HAUS7: variants seen among roughly 807,000 people sequenced by gnomAD.
HAUS7 encodes the protein HAUS augmin like complex subunit 7.
A neutral mutation model predicts 28.4 loss-of-function variants in HAUS7; 3 were observed. The ratio of observed to expected loss-of-function variants is 0.11; its 90% CI spans 0.05 to 0.27. The LOEUF is 0.27. Among genes scored for constraint, HAUS7 ranks in the 10% least tolerant of loss-of-function variants. The pLI is 1.00. For synonymous variants in HAUS7, 165 were observed against 132.1 expected (o/e 1.25, Z -1.71); for missense variants, 284 against 297.3 (o/e 0.96, Z 0.33).
chrX:153,493,367 G>A (rs782482765), intron 1 of HAUS7, among the ~76,000 whole-genome samples: 32 of 112,081 alleles, frequency 2.9e-4, no homozygotes, highest in Non-Finnish European at 4.7e-4. Flanking sequence ...TGCCTGTCCC[G>A]CTCTCTACCG....
intron 1 of HAUS7, chrX:153,487,111 T>C: frequency 4.2e-6 from 1 of 235,310 alleles, no homozygotes; most frequent in Non-Finnish European, 7.9e-6. Flanking sequence ...GTGCGGTTCC[T>C]GGGCTGCACC....
intron 9 of HAUS7, among the ~76,000 whole-genome samples, chrX:153,453,902 T>C (rs781791489): frequency 1.4e-3 from 148 of 108,947 alleles, no homozygotes; most frequent in African/African-American, 4.8e-3. Flanking sequence ...TCACTGCAAC[T>C]TCCCTCTCAT....
At chrX:153,450,574 TGCACTGACA>T (rs1489183055) in intron 9 of HAUS7, among the ~76,000 whole-genome samples, 1 of 112,593 alleles carries the variant, frequency 8.9e-6, no homozygotes, top group African/African-American at 3.2e-5. Context: ...GTCCCATTCT[TGCACTGACA>T]GCATTGCTTC....
chrX:153,463,824 AT>A (rs2089423542), intron 3 of HAUS7, among the ~76,000 whole-genome samples: 1 of 111,555 alleles, frequency 9.0e-6, no homozygotes, highest in African/African-American at 3.3e-5. Context: ...CCCTCCTGCC[AT>A]CTTATGTCAA....
rs182703218 is a variant in HAUS7, at chrX:153,475,615, A to G, written c.-588-4470T>C. Among the ~76,000 whole-genome samples the G allele has an allele frequency of 3.1e-3, 350 of 112,365 alleles. 2 individuals are homozygous for G. Among genetic ancestry groups the G allele is most frequent in the African/African-American group, 0.011 (335 of 30,969 alleles). On this transcript the variant is annotated intron_variant, in intron 1 of 5. Transcript: ENST00000370210. The stretch of plus-strand genomic sequence containing the variant: ...AAGCTTTAAGGGGGAAAGGCCCCAT[A>G]TTGTTACTGACATATAAGATAGCTG...
intron 9 of HAUS7, among the ~76,000 whole-genome samples, chrX:153,451,044 G>A (rs1016458058): frequency 1.8e-5 from 2 of 112,240 alleles, no homozygotes; most frequent in Non-Finnish European, 3.8e-5. Context: ...TAGAGAGGCC[G>A]ATGCCCGCCG....
At chrX:153,488,404 G>A (rs2089651826) in intron 1 of HAUS7, among the ~76,000 whole-genome samples, 1 of 113,067 alleles carries the variant, frequency 8.8e-6, no homozygotes, top group Non-Finnish European at 1.9e-5. Context: ...CTCTGCCTAG[G>A]ACCGGGGCCT....
At chrX:153,490,010 G>A (rs1482063288) in intron 1 of HAUS7, among the ~76,000 whole-genome samples, 1 of 112,963 alleles carries the variant, frequency 8.9e-6, no homozygotes, top group Non-Finnish European at 1.9e-5. Context: ...CATCTTCTGA[G>A]CATCTGGGCC....
intron 4 of HAUS7, among the ~76,000 whole-genome samples, chrX:153,461,361 G>C (rs1164898542): frequency 9.0e-6 from 1 of 110,975 alleles, no homozygotes; most frequent in Non-Finnish European, 1.9e-5. Context: ...CTGTGACAAA[G>C]GAGCCCCCGT....
At chrX:153,471,977 TTTTC>T (rs1454477330), upstream of HAUS7, among the ~76,000 whole-genome samples, 1 of 112,158 alleles carries the variant, frequency 8.9e-6, no homozygotes, top group Admixed American at 9.4e-5. Context: ...TTGTTTTTGT[TTTTC>T]TTTCTTTCTT....
At chrX:153,494,561 C>T (rs1303951621) in intron 1 of HAUS7, among the ~76,000 whole-genome samples, 1 of 112,317 alleles carries the variant, frequency 8.9e-6, no homozygotes, top group Non-Finnish European at 1.9e-5. Context: ...ACTCATGGGC[C>T]TAGCAGCCCA....
chrX:153,488,363 G>A (rs2089651528), intron 1 of HAUS7, among the ~76,000 whole-genome samples: 1 of 113,112 alleles, frequency 8.8e-6, no homozygotes, highest in Admixed American at 9.2e-5. Flanking sequence ...GGCACAGGGT[G>A]TCCGCTGCAA....
chrX:153,471,637 T>C (rs2089525176), upstream of HAUS7, among the ~76,000 whole-genome samples: 1 of 112,637 alleles, frequency 8.9e-6, no homozygotes, highest in Non-Finnish European at 1.9e-5. Flanking sequence ...GCTGCCACTG[T>C]GCCCTCCTCT....
chrX:153,482,733 A>T (rs1556987602), intron 1 of HAUS7: 4 of 755,810 alleles, frequency 5.3e-6, no homozygotes. Flanking sequence ...CCAGCTGTTG[A>T]CGCTGGAGGT....
At chrX:153,454,598 C>T in intron 8 of HAUS7, 90 bp from the exon 9 acceptor site, 1 of 559,477 alleles carries the variant, frequency 1.8e-6, no homozygotes, top group Non-Finnish European at 3.0e-6. Context: ...GCATCTCCTG[C>T]TTCCCACCCC....
chrX:153,461,041 C>T (rs1556983261), intron 4 of HAUS7, among the ~76,000 whole-genome samples: 1 of 112,318 alleles, frequency 8.9e-6, no homozygotes, highest in African/African-American at 3.2e-5. Flanking sequence ...GGGTGGCGCA[C>T]ACACAGGGGG....
intron 9 of HAUS7, among the ~76,000 whole-genome samples, chrX:153,451,693 A>G (rs181991079): frequency 1.7e-3 from 191 of 112,419 alleles, no homozygotes; most frequent in African/African-American, 5.8e-3. Context: ...TAGCCGGGGC[A>G]AACAAGAGAC....
chrX:153,448,403 G>A (rs1283088219), intron 9 of HAUS7, among the ~76,000 whole-genome samples: 1 of 69,163 alleles, frequency 1.4e-5, no homozygotes, highest in Admixed American at 2.0e-4. Flanking sequence ...GTGGGGTGGG[G>A]GGAGGGAGGA....
intron 4 of HAUS7, chrX:153,462,193 G>T: frequency 9.7e-7 from 1 of 1,031,355 alleles, no homozygotes; most frequent in Non-Finnish European, 1.3e-6. Context: ...GAAGGTGGGT[G>T]CTGGAGTTTC....
Sources: allele counts gnomAD v4.1 joint callset (sites outside exome capture counted in the v4.1 genomes callset), GRCh38; gene constraint gnomAD v4.1.1; transcripts MANE v1.5; gene names NCBI Gene and HGNC (gene_info 2026-07-23, HGNC 2026-07-21).